EEF1A2: variants seen among roughly 807,000 people sequenced by gnomAD.
EEF1A2 encodes the protein eukaryotic translation elongation factor 1 alpha 2, also known as elongation factor 1-alpha 2.
Under a neutral mutation model 39.3 loss-of-function variants are expected in EEF1A2, and 5 were observed. The ratio of observed to expected loss-of-function variants is 0.13; its 90% CI spans 0.07 to 0.27. The LOEUF is 0.27. EEF1A2 is among the 10% of genes least tolerant of loss of function. The pLI is 1.00. For synonymous variants in EEF1A2, 287 were observed against 293.7 expected (o/e 0.98, Z 0.23); for missense variants, 218 against 681.4 (o/e 0.32, Z 7.57).
intron 3 of EEF1A2, among the ~76,000 whole-genome samples, chr20:63,495,500 T>C (rs1408521704): frequency 6.6e-6 from 1 of 152,116 alleles, no homozygotes; most frequent in African/African-American, 2.4e-5. Context: ...TGCCCTGAAA[T>C]GTCATACAGT....
At chr20:63,492,718 GTGGATGGA>G (rs1183691912) in intron 5 of EEF1A2, among the ~76,000 whole-genome samples, 10 of 61,890 alleles carry the variant, frequency 1.6e-4, no homozygotes, top group South Asian at 1.2e-3. Flanking sequence ...GGATGGAGAG[GTGGATGGA>G]TGGATGGATG....
chr20:63,490,852 CT>C, intron 5 of EEF1A2, 117 bp from the exon 6 acceptor site: 2 of 1,292,890 alleles, frequency 1.5e-6, no homozygotes, highest in Non-Finnish European at 2.1e-6. Context: ...CCCGACAGGC[CT>C]GGGGGTTGGG....
chr20:63,498,092 C>T lies in EEF1A2; in HGVS notation c.-71-258G>A, dbSNP rs2082426467. On this transcript the variant is annotated intron_variant, in intron 1 of 7. Coordinates refer to ENST00000217182, the MANE Select transcript of EEF1A2 (RefSeq NM_001958.5). This position sits in a 1 kb window ranked among gnomAD's most constrained non-coding sequence, Gnocchi z 4.1. ...ACTGGGCGTTGGAGCCCGCGGGCTG[C>T]TCCTTGGGAAGGGGTTAGCCACCAT... The T allele has an allele frequency of 8.3e-6, 2 of 239,548 alleles. No individual in the cohort carries two copies. The highest frequency in any genetic ancestry group is 8.6e-5 in the South Asian group (1 of 11,682). 14.8% of individuals were successfully genotyped at this position (239,548 alleles called of 1,614,324 possible). A position where few individuals can be genotyped will look rare whatever the true frequency, so the allele number is the denominator to read the frequency against.
intron 5 of EEF1A2, among the ~76,000 whole-genome samples, chr20:63,492,665 G>A (rs2082394605): frequency 6.6e-6 from 1 of 150,478 alleles, no homozygotes; most frequent in Non-Finnish European, 1.5e-5. Flanking sequence ...TGGATGGATG[G>A]ATGGATAGAG....
At chr20:63,488,852 C>A in intron 7 of EEF1A2, 66 bp downstream of exon 7, 2 of 1,552,686 alleles carry the variant, frequency 1.3e-6, no homozygotes, top group South Asian at 1.1e-5. Context: ...TCCCCGCAGT[C>A]CTCTGCCCTC....
At chr20:63,496,314 C>T (rs992542697) in intron 2 of EEF1A2, 2 of 483,562 alleles carry the variant, frequency 4.1e-6, no homozygotes, top group African/African-American at 3.9e-5. Flanking sequence ...GCTCGCTCTA[C>T]GAGCGAAGCC....
intron 3 of EEF1A2, 132 bp from the exon 4 acceptor site, chr20:63,495,233 G>A (rs1015970895): frequency 6.0e-6 from 8 of 1,339,390 alleles, no homozygotes; most frequent in Non-Finnish European, 7.0e-6. Context: ...GGGCCTTGGG[G>A]AGGGAGGCAT....
At chr20:63,491,766 GTGGATGGATGGA>G (rs534300652) in intron 5 of EEF1A2, among the ~76,000 whole-genome samples, 1 of 147,260 alleles carries the variant, frequency 6.8e-6, no homozygotes, top group Non-Finnish European at 1.5e-5. Flanking sequence ...GGATGGATTG[GTGGATGGATGGA>G]TGGATGGATG....
intron 5 of EEF1A2, 104 bp from the exon 6 acceptor site, chr20:63,490,839 C>T (rs375117862): frequency 5.8e-6 from 8 of 1,383,448 alleles, no homozygotes; most frequent in Non-Finnish European, 7.8e-6. Context: ...GGGACTGGAT[C>T]CCCCCGACAG....
In EEF1A2 at chr20:63,498,942, C is replaced by A. The variant is rs1408178405; in HGVS notation, c.-72+116G>T. 6.7e-6 allele frequency: 1 copy of A among 149,400 alleles called. No homozygotes were observed. Among genetic ancestry groups the A allele is most frequent in the Non-Finnish European group, 1.5e-5 (1 of 67,130 alleles). 9.3% of individuals were successfully genotyped at this position (149,400 alleles called of 1,614,324 possible). A position where few individuals can be genotyped will look rare whatever the true frequency, so the allele number is the denominator to read the frequency against. On this transcript the variant is annotated intron_variant, in intron 1 of 7. Transcript: ENST00000217182. The surrounding 1 kb of genome is among the most constrained non-coding windows in gnomAD (Gnocchi z 4.1). ...GGACCCCCGGAAGCCGGACTCCGGG[C>A]GCGCGCGGGGGCGGGTGCGGGGCCC...
chr20:63,497,911 C>T lies in EEF1A2; in HGVS notation c.-71-77G>A. On this transcript the variant is annotated intron_variant, in intron 1 of 7. Coordinates refer to ENST00000217182, the MANE Select transcript of EEF1A2 (RefSeq NM_001958.5). The surrounding 1 kb of genome is among the most constrained non-coding windows in gnomAD (Gnocchi z 7.3). ...GACACCAGCAGAGACTGTCCTGGCACAGGCTGGACAGGCATCCCTGCCCAC... is the reference window on the plus strand; with the variant it reads ...GACACCAGCAGAGACTGTCCTGGCATAGGCTGGACAGGCATCCCTGCCCAC... 1 of 1,062,434 alleles carries T rather than the reference C, an allele frequency of 9.4e-7. No homozygotes were observed. The highest frequency in any genetic ancestry group is 1.3e-6 in the Non-Finnish European group (1 of 753,836). The allele number at this position is 1,062,434 out of a possible 1,614,324, so 65.8% of individuals were successfully genotyped here.
At chr20:63,489,484 T>A (rs572300166) in intron 6 of EEF1A2, among the ~76,000 whole-genome samples, 3 of 152,268 alleles carry the variant, frequency 2.0e-5, no homozygotes, top group East Asian at 1.9e-4. Flanking sequence ...AAGCCACTTT[T>A]AAAAATCATA....
chr20:63,490,454 C>T, intron 6 of EEF1A2, 25 bp downstream of exon 6: 1 of 1,599,246 alleles, frequency 6.3e-7, no homozygotes, highest in Non-Finnish European at 8.5e-7. Context: ...GGCGCCAGCC[C>T]CCTGGACCCA....
At chr20:63,488,456 G>A in intron 7 of EEF1A2, 31 bp from the exon 8 acceptor site, 2 of 1,401,012 alleles carry the variant, frequency 1.4e-6, no homozygotes, top group Non-Finnish European at 1.9e-6. Flanking sequence ...TGTGGGCGGG[G>A]CCGGAGGACT....
chr20:63,493,233 C>T lies in EEF1A2; in HGVS notation c.676G>A (p.Val226Met), dbSNP rs1437591277. ...GTGTCCAGGGCCTCCAGCAGGGACACGCCGCTTGCGTTGCCCTCCTTACGC... is the reference window on the plus strand; with the variant it reads ...GTGTCCAGGGCCTCCAGCAGGGACATGCCGCTTGCGTTGCCCTCCTTACGC... The part of the protein sequence containing the change: ...VERKEGNASG[V>M]SLLEALDTIL... Residue 226 changes from valine (V) to methionine (M), a missense_variant, in exon 5 of 8, where the codon GTG becomes ATG. Transcript: ENST00000217182. 3.2e-6 allele frequency: 5 copies of T among 1,546,740 alleles called. No homozygotes were observed. Among genetic ancestry groups the T allele is most frequent in the African/African-American group, 1.4e-5 (1 of 72,892 alleles).
Position 63,498,088 on chromosome 20 carries a change from G to C in EEF1A2, c.-71-254C>G, listed in dbSNP as rs377051544. ...AATAACTGGGCGTTGGAGCCCGCGG[G>C]CTGCTCCTTGGGAAGGGGTTAGCCA... On this transcript the variant is annotated intron_variant, in intron 1 of 7. Coordinates refer to ENST00000217182, the MANE Select transcript of EEF1A2 (RefSeq NM_001958.5). The surrounding 1 kb of genome is among the most constrained non-coding windows in gnomAD (Gnocchi z 4.1). 4.1e-6 allele frequency: 1 copy of C among 245,284 alleles called. No individual in the cohort carries two copies. Among genetic ancestry groups the C allele is most frequent in the African/African-American group, 2.2e-5 (1 of 44,508 alleles). 15.2% of individuals were successfully genotyped at this position (245,284 alleles called of 1,614,324 possible). A position where few individuals can be genotyped will look rare whatever the true frequency, so the allele number is the denominator to read the frequency against.
At chr20:63,496,441 A>G in intron 2 of EEF1A2, 1 of 208,160 alleles carries the variant, frequency 4.8e-6, no homozygotes, top group Non-Finnish European at 9.8e-6. Context: ...GGGCTGTCAG[A>G]TAAATAACCC....
intron 4 of EEF1A2, 142 bp downstream of exon 4, chr20:63,494,663 G>A: frequency 1.6e-6 from 2 of 1,229,548 alleles, no homozygotes; most frequent in Non-Finnish European, 2.2e-6. Flanking sequence ...GAGCCAGTTA[G>A]GGAAACCCAG....
chr20:63,489,105 C>T lies in EEF1A2; in HGVS notation c.1077G>A (p.Pro359=), dbSNP rs778214453. 8 of 1,612,610 alleles carry T rather than the reference C, an allele frequency of 5.0e-6. No homozygotes were observed. The highest frequency in any genetic ancestry group is 5.9e-6 in the Non-Finnish European group (7 of 1,179,934). The part of the protein sequence containing the change: ...HPGQISAGYS[P]VIDCHTAHIA... ...TGTGGGCTGTGTGGCAGTCGATGAC[C>T]GGGGAGTAGCCGGCGCTAATCTGCC... Residue 359 remains proline (P), a synonymous_variant, in exon 7 of 8, where the codon CCG becomes CCA. Transcript: ENST00000217182.
Sources: gnomAD v4.1 joint callset for allele counts (sites outside exome capture counted in the v4.1 genomes callset) on GRCh38, gnomAD v4.1.1 for gene constraint, Gnocchi (gnomAD v3.1) non-coding constraint, MANE v1.5 for transcripts, NCBI Gene and HGNC (gene_info 2026-07-23, HGNC 2026-07-21) for gene names.